EYS: variants seen among roughly 807,000 people sequenced by gnomAD.
EYS encodes the protein protein eyes shut homolog.
A neutral mutation model predicts 282.1 loss-of-function variants in EYS; 250 were observed. That is an observed-to-expected ratio of 0.89 (90% CI 0.80 to 0.98). The LOEUF (loss-of-function observed/expected upper bound fraction) is 0.98. Ranked by LOEUF, EYS falls within the 50% of genes least tolerant of loss-of-function variation. EYS has a pLI of 0.00. For synonymous variants in EYS, 1,355 were observed against 1,282.9 expected (o/e 1.06, Z -1.20); for missense variants, 4,016 against 3,709.0 (o/e 1.08, Z -2.15).
At chr6:64,059,086 G>A (rs909041108) in intron 33 of EYS, among the ~76,000 whole-genome samples, 10 of 152,110 alleles carry the variant, frequency 6.6e-5, no homozygotes, top group African/African-American at 2.4e-4. Context: ...TCTTCCATGA[G>A]CATGTTATTA....
In EYS at chr6:64,342,884, A is replaced by C. The variant is rs574383987; in HGVS notation, c.6079-35802T>G. On this transcript the variant is annotated intron_variant, in intron 29 of 42. Coordinates refer to ENST00000503581, the MANE Select transcript of EYS (RefSeq NM_001142800.2). ...AGATCTACCAAGCAAATGGAAAACA[A>C]AAAAAGGCAGGGGTTGCAATCCTAG... is the stretch of plus-strand genomic sequence containing the variant. 4.2e-3 allele frequency among the ~76,000 whole-genome samples: 640 copies of C among 152,236 alleles called. 5 individuals carry two copies. Among genetic ancestry groups the C allele is most frequent in the African/African-American group, 0.014 (597 of 41,560 alleles).
intron 33 of EYS, among the ~76,000 whole-genome samples, chr6:64,017,699 C>A (rs1225908793): frequency 2.0e-5 from 3 of 152,186 alleles, no homozygotes; most frequent in Non-Finnish European, 4.4e-5. Flanking sequence ...AGCCCAGTGA[C>A]AATTCTATCT....
intron 30 of EYS, among the ~76,000 whole-genome samples, chr6:64,285,464 G>A (rs961757867): frequency 6.6e-6 from 1 of 152,168 alleles, no homozygotes; most frequent in South Asian, 2.1e-4. Context: ...TGATTTCACT[G>A]TCCATATCAT....
intron 14 of EYS, among the ~76,000 whole-genome samples, chr6:64,974,798 T>C (rs1172126169): frequency 6.6e-6 from 1 of 151,886 alleles, no homozygotes; most frequent in Non-Finnish European, 1.5e-5. Context: ...TTTTCACGTT[T>C]ATGTGCTTAA....
intron 32 of EYS, among the ~76,000 whole-genome samples, chr6:64,075,207 A>G (rs1420859937): frequency 6.6e-6 from 1 of 151,972 alleles, no homozygotes; most frequent in Admixed American, 6.6e-5. Context: ...GCAGTTGCTC[A>G]TGATTTTAAG....
intron 31 of EYS, among the ~76,000 whole-genome samples, chr6:64,182,711 A>G (rs1562241882): frequency 6.6e-6 from 1 of 152,030 alleles, no homozygotes; most frequent in Non-Finnish European, 1.5e-5. Context: ...GTTGCTGTCT[A>G]CCTCTTCAGC....
At chr6:64,910,979 A>AT (rs1170470016) in intron 16 of EYS, among the ~76,000 whole-genome samples, 9 of 151,864 alleles carry the variant, frequency 5.9e-5, no homozygotes, top group East Asian at 1.9e-4. Context: ...ATATTCTGAG[A>AT]TTTTTTTTCT....
At chr6:63,957,355 A>T (rs577007803) in intron 35 of EYS, among the ~76,000 whole-genome samples, 1 of 141,024 alleles carries the variant, frequency 7.1e-6, no homozygotes, top group Non-Finnish European at 1.6e-5. Flanking sequence ...CTCAGCTCAG[A>T]GCTTGCTTCT....
chr6:63,757,298 C>T (rs1227226298), intron 41 of EYS, among the ~76,000 whole-genome samples: 1 of 152,026 alleles, frequency 6.6e-6, no homozygotes, highest in Non-Finnish European at 1.5e-5. Context: ...GCCCTGGTTT[C>T]CTGCAGTACC....
chr6:63,880,655 A>G (rs1381141149), intron 35 of EYS, among the ~76,000 whole-genome samples: 1 of 152,202 alleles, frequency 6.6e-6, no homozygotes, highest in African/African-American at 2.4e-5. Context: ...ACTACTGATA[A>G]TAAATCACTG....
At chr6:65,627,910 A>G (rs1015112146) in intron 2 of EYS, among the ~76,000 whole-genome samples, 2 of 152,178 alleles carry the variant, frequency 1.3e-5, no homozygotes, top group Non-Finnish European at 2.9e-5. Context: ...TCGACCACCC[A>G]AGGGCTGAGG....
chr6:64,361,560 T>C (rs1402385524), intron 29 of EYS, among the ~76,000 whole-genome samples: 1 of 151,846 alleles, frequency 6.6e-6, no homozygotes, highest in Non-Finnish European at 1.5e-5. Flanking sequence ...TTAAATATTC[T>C]AGTTGTATTG....
At chr6:65,046,859 A>T (rs1396209427) in intron 13 of EYS, among the ~76,000 whole-genome samples, 1 of 151,916 alleles carries the variant, frequency 6.6e-6, no homozygotes, top group Non-Finnish European at 1.5e-5. Context: ...CAGATGCCCC[A>T]TAAATGGCTT....
chr6:65,570,973 A>C (rs1272487739), intron 2 of EYS, among the ~76,000 whole-genome samples: 1 of 152,106 alleles, frequency 6.6e-6, no homozygotes, highest in African/African-American at 2.4e-5. Context: ...ACACATGTAC[A>C]TTTGTTTCTC....
chr6:65,287,931 C>T lies in EYS; in HGVS notation c.2023+7932G>A, dbSNP rs557373536. ...TATTCTATTTGGTTAGATTAGCCTT[C>T]GGTACACTCAAAGTCCAGGGATCAA... On this transcript the variant is annotated intron_variant, in intron 12 of 42. Coordinates refer to ENST00000503581, the MANE Select transcript of EYS (RefSeq NM_001142800.2). 7.3e-5 allele frequency among the ~76,000 whole-genome samples: 11 copies of T among 151,166 alleles called. No individual in the cohort carries two copies. In the South Asian group the frequency reaches 8.3e-4, roughly 11 times the overall value.
At chr6:64,649,826 T>G (rs886722302) in intron 22 of EYS, among the ~76,000 whole-genome samples, 1 of 152,160 alleles carries the variant, frequency 6.6e-6, no homozygotes, top group Non-Finnish European at 1.5e-5. Context: ...ATTTTTAATG[T>G]TTATAATACA....
chr6:64,414,742 C>T (rs942694688), intron 28 of EYS, among the ~76,000 whole-genome samples: 4 of 152,150 alleles, frequency 2.6e-5, no homozygotes, highest in Non-Finnish European at 5.9e-5. Flanking sequence ...ATGGTTTATA[C>T]TTTGCCCGTT....
At chr6:63,995,676 C>G (rs773710018) in intron 34 of EYS, among the ~76,000 whole-genome samples, 2 of 151,824 alleles carry the variant, frequency 1.3e-5, no homozygotes, top group African/African-American at 4.8e-5. Flanking sequence ...ACATAAATGT[C>G]CATTAATGGA....
chr6:65,697,098 T>C (rs1217116375), intron 1 of EYS, among the ~76,000 whole-genome samples: 3 of 152,226 alleles, frequency 2.0e-5, no homozygotes, highest in Admixed American at 6.5e-5. Flanking sequence ...TTTGTGTGTG[T>C]GTGTACACAT....
Sources: allele counts gnomAD v4.1 joint callset (sites outside exome capture counted in the v4.1 genomes callset), GRCh38; gene constraint gnomAD v4.1.1; transcripts MANE v1.5; gene names NCBI Gene and HGNC (gene_info 2026-07-23, HGNC 2026-07-21).